The following RAPGEF1 variants were observed in gnomAD, a reference collection of about 807,000 sequenced individuals.
RAPGEF1 encodes CRK SH3-binding GNRP.
In RAPGEF1, 33 loss-of-function variants were observed where a neutral mutation model predicts 143.3. The observed-to-expected ratio is 0.23, with a 90% CI of 0.17 to 0.31. The LOEUF (loss-of-function observed/expected upper bound fraction) is 0.31. Among genes scored for constraint, RAPGEF1 ranks in the 10% least tolerant of loss-of-function variants. The pLI, the probability that RAPGEF1 is intolerant of heterozygous loss-of-function variation, is 1.00. For missense variants in RAPGEF1, 1,199 were observed against 1,645.4 expected (o/e 0.73, Z 4.69); for synonymous variants, 629 against 676.5 (o/e 0.93, Z 1.09).
At chr9:131,589,809 G>A (rs1415593278) in intron 19 of RAPGEF1, 77 bp downstream of exon 19, 31 of 1,364,258 alleles carry the variant, frequency 2.3e-5, no homozygotes, top group South Asian at 4.7e-5. Flanking sequence ...GCCCAGAGCC[G>A]ATGGGCAGGA....
intron 1 of RAPGEF1, among the ~76,000 whole-genome samples, chr9:131,713,034 C>T (rs1369632590): frequency 6.6e-6 from 1 of 152,114 alleles, no homozygotes; most frequent in Non-Finnish European, 1.5e-5. Context: ...CCAAGATGGG[C>T]AAGCGACCCA....
In RAPGEF1 at chr9:131,673,694, C is replaced by A. The variant is rs932068976; in HGVS notation, c.62-22745G>T. Among the ~76,000 whole-genome samples, 3 of 152,156 alleles carry A rather than the reference C, an allele frequency of 2.0e-5. No homozygotes were observed. In the East Asian group the frequency reaches 5.8e-4, roughly 29 times the overall value. The stretch of plus-strand genomic sequence containing the variant: ...CTGTGGAGGGCTACAAAAGCACCCC[C>A]CCGGCCGCCCCACCCAACAGAGAGG... On this transcript the variant is annotated intron_variant, in intron 1 of 26. Transcript: ENST00000683357.
Position 131,584,602 on chromosome 9 carries a change from T to C in RAPGEF1, c.3234-6A>G, listed in dbSNP as rs1952411960. On this transcript the variant is annotated splice_polypyrimidine_tract_variant and splice_region_variant and intron_variant, in intron 22 of 26. Transcript: ENST00000683357. This position sits in a 1 kb window ranked among gnomAD's most constrained non-coding sequence, Gnocchi z 6.8. ...ACATGATTATGGACCGGACCCTGCA[T>C]GGACCAAGGGAAAAAGAAACAGCTG... 10 of 1,613,882 alleles carry C rather than the reference T, an allele frequency of 6.2e-6. No individual in the cohort carries two copies. The highest frequency in any genetic ancestry group is 1.1e-5 in the South Asian group (1 of 91,082).
chr9:131,625,405 G>A (rs1962663983), intron 10 of RAPGEF1, among the ~76,000 whole-genome samples: 1 of 152,158 alleles, frequency 6.6e-6, no homozygotes, highest in Non-Finnish European at 1.5e-5. Flanking sequence ...TAAAATGTCT[G>A]GTCCAAGAAG....
At position 131,655,670 on chromosome 9, in the gene RAPGEF1, G is replaced by A. The variant is rs1421699663; in HGVS notation, c.62-4721C>T. On this transcript the variant is annotated intron_variant, in intron 1 of 26. Coordinates refer to ENST00000683357, the MANE Select transcript of RAPGEF1 (RefSeq NM_001377935.1). This position sits in a 1 kb window ranked among gnomAD's most constrained non-coding sequence, Gnocchi z 4.1. ...ACTCGGGAGGCTGAGGCAGGAGAAT[G>A]GCGTGAATCCAGGAGGCAGAGCATG... is the stretch of plus-strand genomic sequence containing the variant. Among the ~76,000 whole-genome samples, 3 of 152,178 alleles carry A rather than the reference G, an allele frequency of 2.0e-5. No individual in the cohort carries two copies. The highest frequency in any genetic ancestry group is 2.1e-4 in the South Asian group (1 of 4,834).
chr9:131,598,149 C>A (rs1278387484), intron 16 of RAPGEF1, 50 bp downstream of exon 16: 1 of 1,486,098 alleles, frequency 6.7e-7, no homozygotes, highest in Non-Finnish European at 9.4e-7. Context: ...GCCCCACCTG[C>A]TCTCCTCTGT....
At chr9:131,606,263 A>G (rs930453123) in intron 12 of RAPGEF1, among the ~76,000 whole-genome samples, 4 of 152,188 alleles carry the variant, frequency 2.6e-5, no homozygotes, top group African/African-American at 4.8e-5. Context: ...GAGGTGTTCC[A>G]GGACCTGGTC....
Position 131,606,675 on chromosome 9 carries a change from G to T in RAPGEF1, c.2062-1487C>A, listed in dbSNP as rs534690127. Among the ~76,000 whole-genome samples, 174 of 152,208 alleles carry T rather than the reference G, an allele frequency of 1.1e-3. 1 individual carries two copies. The highest frequency in any genetic ancestry group is 1.7e-3 in the Non-Finnish European group (113 of 68,008). On this transcript the variant is annotated intron_variant, in intron 12 of 26. Coordinates refer to ENST00000683357, the MANE Select transcript of RAPGEF1 (RefSeq NM_001377935.1). ...TTTTTGTTTTCTCTTTTGAGACAGG[G>T]TCTCACTCTGTCACCCAGGCTCACT... is the stretch of plus-strand genomic sequence containing the variant.
At chr9:131,654,631 G>A (rs1406362898) in intron 1 of RAPGEF1, among the ~76,000 whole-genome samples, 1 of 152,156 alleles carries the variant, frequency 6.6e-6, no homozygotes, top group Non-Finnish European at 1.5e-5. Context: ...GAGCCCAGGA[G>A]TTAGAGGCTA....
chr9:131,710,415 G>A (rs574005161), intron 1 of RAPGEF1, among the ~76,000 whole-genome samples: 14 of 152,288 alleles, frequency 9.2e-5, no homozygotes, highest in African/African-American at 3.4e-4. Context: ...AAAGTGCTAC[G>A]CTACCTAAAT....
At chr9:131,582,452 C>T (rs1349027654) in intron 25 of RAPGEF1, among the ~76,000 whole-genome samples, 153 bp downstream of exon 25, 1 of 152,052 alleles carries the variant, frequency 6.6e-6, no homozygotes. Flanking sequence ...TGCATTATAA[C>T]TGTATTACAA....
chr9:131,614,249 C>T (rs1425441711), intron 12 of RAPGEF1, among the ~76,000 whole-genome samples: 1 of 152,190 alleles, frequency 6.6e-6, no homozygotes. Flanking sequence ...CTAGCTCTGA[C>T]CAGGACAAAA....
rs143030441 is a variant in RAPGEF1 at position 131,589,935 on chromosome 9, C to T, written c.2818G>A (p.Val940Ile). 42 of 1,613,790 alleles carry T rather than the reference C, an allele frequency of 2.6e-5. No homozygotes were observed. The highest frequency in any genetic ancestry group is 1.6e-4 in the Middle Eastern group (1 of 6,062). ...SPFADTFKKRVSKNTFFVLVR... is the reference protein window; with the variant it reads ...SPFADTFKKRISKNTFFVLVR... The stretch of plus-strand genomic sequence containing the variant: ...AGCACGAAGAACGTGTTCTTGCTGA[C>T]GCGCTTCTTGAATGTGTCGGCAAAG... The change falls in exon 19 of 27, where the codon GTC becomes ATC. Residue 940 changes from valine (V) to isoleucine (I), a missense_variant. Physicochemically the swap from Val to Ile is conservative, Grantham distance 29 (BLOSUM62 3). Around this residue, in one of 6 missense-constraint regions of RAPGEF1, gnomAD observed 209 missense variants for 403.0 expected, o/e 0.52. Coordinates refer to ENST00000683357, the MANE Select transcript of RAPGEF1 (RefSeq NM_001377935.1).
intron 1 of RAPGEF1, among the ~76,000 whole-genome samples, chr9:131,666,975 C>T (rs1830534524): frequency 6.6e-6 from 1 of 152,056 alleles, no homozygotes; most frequent in South Asian, 2.1e-4. Context: ...GAAGGTGGCA[C>T]TTCCTGCTCG....
intron 1 of RAPGEF1, among the ~76,000 whole-genome samples, chr9:131,710,922 TC>T (rs1463075708): frequency 6.6e-6 from 1 of 152,178 alleles, no homozygotes; most frequent in African/African-American, 2.4e-5. Flanking sequence ...AGCCTCAGTT[TC>T]CTTATCTGTT....
intron 1 of RAPGEF1, among the ~76,000 whole-genome samples, chr9:131,693,977 T>C (rs1252728646): frequency 6.6e-6 from 1 of 152,070 alleles, no homozygotes; most frequent in Non-Finnish European, 1.5e-5. Context: ...AAACACTTAA[T>C]GGCTATTTAG....
chr9:131,617,190 G>T (rs549945840), intron 12 of RAPGEF1, among the ~76,000 whole-genome samples: 42 of 152,330 alleles, frequency 2.8e-4, no homozygotes, highest in African/African-American at 8.2e-4. Flanking sequence ...TAAGGGGAAA[G>T]AAAACAAAAA....
At chr9:131,609,361 G>C (rs370543784) in intron 12 of RAPGEF1, among the ~76,000 whole-genome samples, 2 of 152,170 alleles carry the variant, frequency 1.3e-5, no homozygotes, top group African/African-American at 2.4e-5. Flanking sequence ...AAGAGGTGGC[G>C]TGGGTATGGC....
intron 14 of RAPGEF1, 127 bp downstream of exon 14, chr9:131,603,834 A>T: frequency 2.2e-6 from 1 of 453,654 alleles, no homozygotes; most frequent in Non-Finnish European, 3.7e-6. Flanking sequence ...GCAGGAGCCC[A>T]GTCTGCTGGT....
Sources: allele counts gnomAD v4.1 joint callset (sites outside exome capture counted in the v4.1 genomes callset), GRCh38; gene constraint gnomAD v4.1.1; regional missense constraint gnomAD v4.1.1; non-coding constraint Gnocchi (gnomAD v3.1); transcripts MANE v1.5; gene names NCBI Gene and HGNC (gene_info 2026-07-23, HGNC 2026-07-21).